MTA3: variants seen among roughly 807,000 people sequenced by gnomAD.
The protein encoded by MTA3 is metastasis-associated protein MTA3.
Under a neutral mutation model 83.5 loss-of-function variants are expected in MTA3, and 34 were observed. The ratio of observed to expected loss-of-function variants is 0.41; its 90% CI spans 0.31 to 0.54. The LOEUF is 0.54. MTA3 is among the 20% of genes least tolerant of loss of function. The pLI, the probability that MTA3 is intolerant of heterozygous loss-of-function variation, is 0.33. For missense variants in MTA3, 761 were observed against 726.4 expected (o/e 1.05, Z -0.55); for synonymous variants, 303 against 252.7 (o/e 1.20, Z -1.89).
intron 3 of MTA3, among the ~76,000 whole-genome samples, chr2:42,594,244 C>CTT (rs143512619): frequency 4.3e-5 from 5 of 114,960 alleles, no homozygotes; most frequent in African/African-American, 1.7e-4. Context: ...CGCCAGGCCC[C>CTT]TTTTTTTTTT....
At chr2:42,525,263 G>T (rs933220763) in intron 2 of MTA3, among the ~76,000 whole-genome samples, 1 of 151,238 alleles carries the variant, frequency 6.6e-6, no homozygotes, top group Non-Finnish European at 1.5e-5. Context: ...GCAGTGGCAC[G>T]ATCTCAGCTC....
At chr2:42,611,176 G>A (rs1408853361) in intron 4 of MTA3, among the ~76,000 whole-genome samples, 1 of 151,734 alleles carries the variant, frequency 6.6e-6, no homozygotes, top group Non-Finnish European at 1.5e-5. Flanking sequence ...GTAGAGACAG[G>A]GTTTCGCCAT....
At chr2:42,636,122 T>A (rs1426484524) in intron 4 of MTA3, among the ~76,000 whole-genome samples, 1 of 152,154 alleles carries the variant, frequency 6.6e-6, no homozygotes, top group African/African-American at 2.4e-5. Flanking sequence ...AACTTGGTGA[T>A]GTTTGTTAAT....
intron 16 of MTA3, among the ~76,000 whole-genome samples, chr2:42,738,789 C>T (rs1668796556): frequency 6.6e-6 from 1 of 152,220 alleles, no homozygotes; most frequent in Non-Finnish European, 1.5e-5. Context: ...GCTCTCTGAA[C>T]TGGCCCCCCA....
intron 4 of MTA3, among the ~76,000 whole-genome samples, chr2:42,612,705 A>G (rs1293896166): frequency 6.6e-6 from 1 of 152,078 alleles, no homozygotes; most frequent in Admixed American, 6.6e-5. Flanking sequence ...TACTAAAAAC[A>G]CAAAAATTAG....
intron 15 of MTA3, 139 bp from the exon 16 acceptor site, chr2:42,722,750 T>A (rs927680891): frequency 1.0e-6 from 1 of 976,160 alleles, no homozygotes; most frequent in African/African-American, 1.6e-5. Context: ...GCTGACTCAT[T>A]ATGCAAGTCC....
intron 9 of MTA3, among the ~76,000 whole-genome samples, chr2:42,689,818 A>T (rs1180389735): frequency 3.2e-5 from 3 of 93,592 alleles, no homozygotes; most frequent in African/African-American, 4.7e-5. Flanking sequence ...CTAGGAGTTT[A>T]TCAGTGTTGT....
intron 3 of MTA3, among the ~76,000 whole-genome samples, chr2:42,587,728 A>G (rs748480813): frequency 2.6e-5 from 4 of 152,058 alleles, no homozygotes; most frequent in Non-Finnish European, 5.9e-5. Flanking sequence ...CAGCCACCCG[A>G]GTAGCTGGGA....
intron 8 of MTA3, among the ~76,000 whole-genome samples, chr2:42,664,217 C>A (rs1690007314): frequency 6.6e-6 from 1 of 152,064 alleles, no homozygotes; most frequent in East Asian, 1.9e-4. Flanking sequence ...TCTCATACTG[C>A]TTTAGGTTCA....
At chr2:42,542,353 T>C (rs964614600) in intron 2 of MTA3, among the ~76,000 whole-genome samples, 1 of 152,130 alleles carries the variant, frequency 6.6e-6, no homozygotes, top group Non-Finnish European at 1.5e-5. Flanking sequence ...GAACTTCTTG[T>C]TATAGATACC....
chr2:42,756,544 C>G lies in MTA3; in HGVS notation c.*3145C>G. On this transcript the variant is annotated 3_prime_UTR_variant, in exon 17 of 17. Coordinates refer to ENST00000405094, the MANE Select transcript of MTA3 (RefSeq NM_001330442.2). ...TTTATGCCCCACTGCTGTCCTAAGT[C>G]CCTGGCGAGGGGAGGTGGAGGAGCT... 2 of 985,598 alleles carry G rather than the reference C, an allele frequency of 2.0e-6. No homozygotes were observed. The highest frequency in any genetic ancestry group is 2.4e-6 in the Non-Finnish European group (2 of 830,218). The allele number at this position is 985,598 out of a possible 1,614,324, so 61.1% of individuals were successfully genotyped here. A position where few individuals can be genotyped will look rare whatever the true frequency, so the allele number is the denominator to read the frequency against.
At chr2:42,731,669 A>C (rs951437010) in intron 16 of MTA3, among the ~76,000 whole-genome samples, 4 of 152,198 alleles carry the variant, frequency 2.6e-5, no homozygotes, top group Non-Finnish European at 5.9e-5. Context: ...CAGCCAAACC[A>C]TATCATTCCA....
At chr2:42,506,614 ACTT>A in intron 2 of MTA3, among the ~76,000 whole-genome samples, 1 of 129,974 alleles carries the variant, frequency 7.7e-6, no homozygotes, top group African/African-American at 3.1e-5. Flanking sequence ...GAGATAATTT[ACTT>A]ATTATTATTA....
At chr2:42,655,486 G>A (rs1471049934) in intron 6 of MTA3, among the ~76,000 whole-genome samples, 1 of 152,122 alleles carries the variant, frequency 6.6e-6, no homozygotes. Context: ...AGCTTGAAAT[G>A]ATTTCTCTAC....
At chr2:42,524,472 GTTTT>G (rs58288129) in intron 2 of MTA3, among the ~76,000 whole-genome samples, 2 of 70,666 alleles carry the variant, frequency 2.8e-5, no homozygotes, top group African/African-American at 5.7e-5. Flanking sequence ...GGCTAGTTGT[GTTTT>G]TTTTTTTTTT....
intron 2 of MTA3, among the ~76,000 whole-genome samples, chr2:42,525,603 T>TTCCCTTCCTTCC (rs368874061): frequency 7.3e-5 from 7 of 95,422 alleles, no homozygotes; most frequent in African/African-American, 2.3e-4. Flanking sequence ...CCTTCCTTCC[T>TTCCCTTCCTTCC]TTCCTTCCTT....
Position 42,720,951 on chromosome 2 carries a change from CAAAAAAAA to C in MTA3, c.1612+1893_1612+1900del, listed in dbSNP as rs377702701. ...CAAGTGACCAATTGAGACCCTGTCT[CAAAAAAAA>C]AAAAAAAAAAAAAAAGAAAAGAAAA... On this transcript the variant is annotated intron_variant, in intron 15 of 16. Coordinates refer to ENST00000405094, the MANE Select transcript of MTA3 (RefSeq NM_001330442.2). 8.6e-5 allele frequency among the ~76,000 whole-genome samples: 6 copies of C among 69,588 alleles called. No homozygotes were observed. The Admixed American group carries it at 1.0e-3, about 12-fold the overall frequency. The allele number at this position is 69,588 out of a possible 152,430, so 45.7% of individuals were successfully genotyped here.
At chr2:42,670,654 C>G (rs1690708878) in intron 8 of MTA3, among the ~76,000 whole-genome samples, 1 of 151,932 alleles carries the variant, frequency 6.6e-6, no homozygotes, top group African/African-American at 2.4e-5. Flanking sequence ...AATCTTGGCA[C>G]TAAGCACAAG....
intron 5 of MTA3, among the ~76,000 whole-genome samples, chr2:42,642,567 C>G (rs1325495246): frequency 1.3e-5 from 2 of 151,332 alleles, no homozygotes; most frequent in Non-Finnish European, 2.9e-5. Context: ...ATTTATTACT[C>G]ATGTCTGTAA....
Sources: gnomAD v4.1 joint callset for allele counts (sites outside exome capture counted in the v4.1 genomes callset) on GRCh38, gnomAD v4.1.1 for gene constraint, MANE v1.5 for transcripts, NCBI Gene and HGNC (gene_info 2026-07-23, HGNC 2026-07-21) for gene names.